The following POC1B variants were observed in gnomAD, a reference collection of about 807,000 sequenced individuals.
POC1B encodes POC1 centriolar protein B, also known as POC1 centriolar protein homolog B.
POC1B carries 44 observed loss-of-function variants against 60.6 expected under a neutral mutation model. The observed-to-expected ratio is 0.73, with a 90% CI of 0.57 to 0.93. The LOEUF (loss-of-function observed/expected upper bound fraction) is 0.93, where lower values mean the gene tolerates loss of function less well. Ranked by LOEUF, POC1B falls within the 40% of genes least tolerant of loss-of-function variation. The pLI is 0.00. For synonymous variants in POC1B, 180 were observed against 198.9 expected (o/e 0.90, Z 0.80); for missense variants, 555 against 572.3 (o/e 0.97, Z 0.31).
downstream of POC1B, among the ~76,000 whole-genome samples, chr12:89,419,299 AG>A (rs1241685690): frequency 2.6e-5 from 4 of 152,148 alleles, no homozygotes; most frequent in African/African-American, 4.8e-5. Flanking sequence ...ATGAAGATGA[AG>A]GAGATTCCTC....
intron 10 of POC1B, among the ~76,000 whole-genome samples, chr12:89,454,739 G>A (rs920761342): frequency 1.3e-5 from 2 of 152,040 alleles, no homozygotes; most frequent in African/African-American, 2.4e-5. Context: ...TTTCACCTTT[G>A]CATTCCCTGT....
At chr12:89,466,723 C>T in intron 9 of POC1B, 47 bp downstream of exon 9, 1 of 1,528,726 alleles carries the variant, frequency 6.5e-7, no homozygotes, top group Non-Finnish European at 8.9e-7. Flanking sequence ...CAGCAAAAGC[C>T]TCAAAATGTA....
intron 10 of POC1B, among the ~76,000 whole-genome samples, chr12:89,450,628 G>A (rs372386967): frequency 1.3e-5 from 2 of 152,062 alleles, no homozygotes; most frequent in East Asian, 1.9e-4. Flanking sequence ...TCATGAACAC[G>A]TCAAAACTCA....
chr12:89,444,607 A>G (rs1385242139), intron 10 of POC1B, among the ~76,000 whole-genome samples: 2 of 152,232 alleles, frequency 1.3e-5, no homozygotes, highest in East Asian at 3.8e-4. Flanking sequence ...GACATATCTC[A>G]AAATAATAAG....
intron 2 of POC1B, chr12:89,522,013 G>T (rs1870922896): frequency 7.5e-6 from 3 of 398,784 alleles, no homozygotes; most frequent in Non-Finnish European, 1.3e-5. Context: ...TCCCTTTCTA[G>T]TACATTCATA....
intron 10 of POC1B, among the ~76,000 whole-genome samples, chr12:89,458,597 A>G (rs1882350440): frequency 6.6e-6 from 1 of 152,146 alleles, no homozygotes; most frequent in South Asian, 2.1e-4. Context: ...AATAATTAGA[A>G]TGGTTTCTGG....
chr12:89,404,129 T>C, the POC1B span, among the ~76,000 whole-genome samples: 4 of 146,756 alleles, frequency 2.7e-5, no homozygotes, highest in Middle Eastern at 3.5e-3. Context: ...TGAAACTCCA[T>C]CTTAAAAAAA....
intron 11 of POC1B, among the ~76,000 whole-genome samples, chr12:89,422,197 C>T (rs1364327041): frequency 6.6e-6 from 1 of 152,160 alleles, no homozygotes; most frequent in Non-Finnish European, 1.5e-5. Context: ...CCAGAGGAGC[C>T]TTCCACGTGC....
At chr12:89,501,969 G>A in intron 2 of POC1B, 1 of 971,372 alleles carries the variant, frequency 1.0e-6, no homozygotes, top group Non-Finnish European at 1.7e-6. Flanking sequence ...AAAGTGATGA[G>A]GCAGACTTGG....
At chr12:89,471,973 G>T (rs1271885657) in intron 5 of POC1B, among the ~76,000 whole-genome samples, 195 bp downstream of exon 5, 2 of 152,004 alleles carry the variant, frequency 1.3e-5, no homozygotes, top group Non-Finnish European at 2.9e-5. Context: ...TCACTATGTT[G>T]GTCAGGCTGG....
At chr12:89,497,389 C>T in intron 2 of POC1B, 47 bp from the exon 3 acceptor site, 1 of 1,549,296 alleles carries the variant, frequency 6.5e-7, no homozygotes, top group Non-Finnish European at 8.9e-7. Context: ...AAAATGCAAA[C>T]ATAGGTGTGT....
At chr12:89,505,490 T>A (rs1869848142) in intron 2 of POC1B, among the ~76,000 whole-genome samples, 1 of 152,212 alleles carries the variant, frequency 6.6e-6, no homozygotes, top group Non-Finnish European at 1.5e-5. Flanking sequence ...AAATTTTACT[T>A]ATATGAAGTT....
rs2120852872 is a variant in POC1B at position 89,472,200 on chromosome 12, C to T, written c.528G>A (p.Lys176=). 6.2e-7 allele frequency: 1 copy of T among 1,602,808 alleles called. No individual in the cohort carries two copies. The highest frequency in any genetic ancestry group is 1.7e-5 in the Admixed American group (1 of 59,872). The part of the protein sequence containing the change: ...KTIKIWDTTN[K]QCVNNFSDSV... ...AATCTGAGAAGTTATTAACACATTG[C>T]TTATTTGTGGTATCCCAAATTTTAA... The change falls in exon 5 of 12, where the codon AAG becomes AAA. Residue 176 remains lysine, a synonymous_variant. Coordinates refer to ENST00000313546, the MANE Select transcript of POC1B (RefSeq NM_172240.3).
chr12:89,500,127 G>T, intron 2 of POC1B: 1 of 1,513,286 alleles, frequency 6.6e-7, no homozygotes, highest in Non-Finnish European at 9.1e-7. Context: ...CTCAAAAATG[G>T]CTACAGAAGA....
intron 10 of POC1B, among the ~76,000 whole-genome samples, chr12:89,448,408 A>C (rs1190346134): frequency 2.6e-5 from 4 of 152,242 alleles, no homozygotes; most frequent in African/African-American, 9.6e-5. Flanking sequence ...GTTCTCATCT[A>C]TTCCAAAATA....
intron 10 of POC1B, among the ~76,000 whole-genome samples, chr12:89,432,162 T>C (rs923011956): frequency 1.3e-4 from 20 of 151,970 alleles, no homozygotes; most frequent in African/African-American, 4.6e-4. Context: ...GGTGGGCGGA[T>C]TGCCTGAGCT....
chr12:89,452,306 C>T (rs75519493), intron 10 of POC1B, among the ~76,000 whole-genome samples: 1,813 of 152,224 alleles, frequency 0.012, 36 homozygotes, highest in African/African-American at 0.042. Flanking sequence ...ACCTGGAACA[C>T]CTCCAGTTCC....
chr12:89,510,426 G>A (rs1165125069), intron 2 of POC1B, among the ~76,000 whole-genome samples: 2 of 152,158 alleles, frequency 1.3e-5, no homozygotes, highest in Non-Finnish European at 2.9e-5. Flanking sequence ...TCAGCTCTCA[G>A]TCTAGCAGTG....
intron 2 of POC1B, among the ~76,000 whole-genome samples, chr12:89,509,690 C>T (rs1870081491): frequency 6.6e-6 from 1 of 152,132 alleles, no homozygotes; most frequent in Admixed American, 6.5e-5. Flanking sequence ...CATTCTTGCC[C>T]TCCTTTTTTC....
Sources: allele counts gnomAD v4.1 joint callset (sites outside exome capture counted in the v4.1 genomes callset), GRCh38; gene constraint gnomAD v4.1.1; transcripts MANE v1.5; gene names NCBI Gene and HGNC (gene_info 2026-07-23, HGNC 2026-07-21).